Variants in CDC16 observed in about 807,000 individuals in gnomAD.
CDC16 encodes cell division cycle protein 16 homolog.
A neutral mutation model predicts 87.0 loss-of-function variants in CDC16; 34 were observed. The observed-to-expected ratio is 0.39, with a 90% CI of 0.30 to 0.52. The LOEUF (loss-of-function observed/expected upper bound fraction) is 0.52, where lower values mean the gene tolerates loss of function less well. Ranked by LOEUF, CDC16 falls within the 20% of genes least tolerant of loss-of-function variation. CDC16 has a pLI of 0.74. For synonymous variants in CDC16, 263 were observed against 260.6 expected (o/e 1.01, Z -0.09); for missense variants, 653 against 751.9 (o/e 0.87, Z 1.54).
At chr13:114,251,942 A>G (rs561651675) in intron 12 of CDC16, among the ~76,000 whole-genome samples, 1 of 152,146 alleles carries the variant, frequency 6.6e-6, no homozygotes, top group African/African-American at 2.4e-5. Context: ...TAAGAGCCCT[A>G]CACTAGCCCT....
chr13:114,242,913 T>C (rs7994573), intron 6 of CDC16, among the ~76,000 whole-genome samples: 51,977 of 151,968 alleles, frequency 0.34, 10,998 homozygotes, highest in African/African-American at 0.6. Flanking sequence ...TATCTAGTGG[T>C]TAGTGGCCAG....
chr13:114,253,170 C>T (rs2082291198), intron 12 of CDC16, among the ~76,000 whole-genome samples: 1 of 152,156 alleles, frequency 6.6e-6, no homozygotes, highest in South Asian at 2.1e-4. Flanking sequence ...CAGAGCAGCT[C>T]TGCATTTTCT....
chr13:114,263,091 G>A, intron 16 of CDC16, 77 bp downstream of exon 16: 2 of 1,294,688 alleles, frequency 1.5e-6, no homozygotes, highest in Admixed American at 3.6e-5. Context: ...TTTTTTCTAG[G>A]TAATATTGAC....
At chr13:114,264,179 T>C (rs1394309051) in intron 16 of CDC16, 3 of 152,220 alleles carry the variant, frequency 2.0e-5, no homozygotes, top group Non-Finnish European at 4.4e-5. Context: ...AAGCACATTT[T>C]CTAGTCCTGT....
At chr13:114,261,809 G>C in intron 14 of CDC16, 78 bp from the exon 15 acceptor site, 1 of 986,604 alleles carries the variant, frequency 1.0e-6, no homozygotes, top group Admixed American at 2.4e-5. Context: ...CTTGCAAGGC[G>C]TGAAATAATT....
intron 12 of CDC16, among the ~76,000 whole-genome samples, chr13:114,255,709 C>G (rs957428974): frequency 6.6e-6 from 1 of 152,228 alleles, no homozygotes. Flanking sequence ...GTGGCACCAT[C>G]ACAGCTCACT....
rs17337940 is a variant in CDC16, at chr13:114,242,843, C to G, written c.542-414C>G. ...CTGCCCCGGGAACAGTTGGCAATGT[C>G]TGGAGATGTTGTTTGTCACAGCTTA... On this transcript the variant is annotated intron_variant, in intron 6 of 17. Coordinates refer to ENST00000356221, the MANE Select transcript of CDC16 (RefSeq NM_001078645.3). 3.0e-4 allele frequency among the ~76,000 whole-genome samples: 45 copies of G among 152,310 alleles called. No homozygotes were observed. The East Asian group carries it at 7.5e-3, about 25-fold the overall frequency.
intron 7 of CDC16, among the ~76,000 whole-genome samples, chr13:114,243,654 G>A (rs545688566): frequency 5.3e-5 from 8 of 152,082 alleles, no homozygotes; most frequent in Non-Finnish European, 1.0e-4. Flanking sequence ...AATACGTCCC[G>A]CTGTGGAATT....
chr13:114,265,129 A>G (rs574347006), intron 16 of CDC16, 21 bp from the exon 17 acceptor site: 2 of 1,505,186 alleles, frequency 1.3e-6, no homozygotes, highest in East Asian at 4.5e-5. Flanking sequence ...TTTAATAACC[A>G]TGCTGAATCT....
chr13:114,254,964 A>G (rs963782782), intron 12 of CDC16, among the ~76,000 whole-genome samples: 1 of 152,184 alleles, frequency 6.6e-6, no homozygotes, highest in African/African-American at 2.4e-5. Context: ...GGTCTCTGCA[A>G]CCTCTTATCA....
At chr13:114,241,767 AG>A (rs1260959679) in intron 5 of CDC16, among the ~76,000 whole-genome samples, 3 of 152,206 alleles carry the variant, frequency 2.0e-5, no homozygotes, top group African/African-American at 7.2e-5. Context: ...GTTAAGTTTA[AG>A]GGCCAGGCAT....
intron 12 of CDC16, among the ~76,000 whole-genome samples, chr13:114,252,462 A>G (rs2082250177): frequency 6.6e-6 from 1 of 152,174 alleles, no homozygotes; most frequent in South Asian, 2.1e-4. Flanking sequence ...ATATTACTAG[A>G]AAATAACCTT....
At chr13:114,259,638 G>A (rs2082720601) in intron 14 of CDC16, among the ~76,000 whole-genome samples, 1 of 152,232 alleles carries the variant, frequency 6.6e-6, no homozygotes, top group African/African-American at 2.4e-5. Flanking sequence ...GCTTTGAAAC[G>A]TGAGAGGCAT....
chr13:114,234,974 G>GAGCGGCGGCGGC lies in CDC16; in HGVS notation c.-111_-110insAGCGGCGGCGGC. 1 of 778,354 alleles carries GAGCGGCGGCGGC rather than the reference G, an allele frequency of 1.3e-6. No homozygotes were observed. The highest frequency in any genetic ancestry group is 1.7e-6 in the Non-Finnish European group (1 of 575,590). 48.2% of individuals were successfully genotyped at this position (778,354 alleles called of 1,614,324 possible). On this transcript the variant is annotated 5_prime_UTR_variant, in exon 1 of 18. Transcript: ENST00000356221. ...TCGAGTCCGCGGCCTTCGAGTCCTG[G>GAGCGGCGGCGGC]GGCGGCGGCGGCGGCTGCAGGCACG... is the stretch of plus-strand genomic sequence containing the variant.
At chr13:114,255,704 A>G (rs2082455308) in intron 12 of CDC16, among the ~76,000 whole-genome samples, 1 of 152,162 alleles carries the variant, frequency 6.6e-6, no homozygotes, top group African/African-American at 2.4e-5. Context: ...GTGCAGTGGC[A>G]CCATCACAGC....
intron 13 of CDC16, among the ~76,000 whole-genome samples, 176 bp from the exon 14 acceptor site, chr13:114,259,159 C>G (rs1216772118): frequency 6.7e-6 from 1 of 150,316 alleles, no homozygotes; most frequent in East Asian, 1.9e-4. Context: ...ATCTTGAACT[C>G]TTGATATTAA....
At chr13:114,262,675 T>C (rs549046174) in intron 15 of CDC16, among the ~76,000 whole-genome samples, 15 of 152,294 alleles carry the variant, frequency 9.8e-5, no homozygotes, top group Non-Finnish European at 1.9e-4. Flanking sequence ...GGAGTGCCCT[T>C]GGCCGGCGGA....
intron 17 of CDC16, among the ~76,000 whole-genome samples, chr13:114,269,696 A>AT (rs542230557): frequency 2.6e-5 from 4 of 151,602 alleles, no homozygotes; most frequent in African/African-American, 9.8e-5. Context: ...AGTTTCACAG[A>AT]TTTTTTTATT....
At chr13:114,267,203 C>T (rs192402695) in intron 17 of CDC16, among the ~76,000 whole-genome samples, 2 of 152,214 alleles carry the variant, frequency 1.3e-5, no homozygotes, top group African/African-American at 2.4e-5. Context: ...AAGAAGCTAT[C>T]TAGGCCGGGC....
Sources: allele counts gnomAD v4.1 joint callset (sites outside exome capture counted in the v4.1 genomes callset), GRCh38; gene constraint gnomAD v4.1.1; transcripts MANE v1.5; gene names NCBI Gene and HGNC (gene_info 2026-07-23, HGNC 2026-07-21).